Variants in TCERG1 observed in about 807,000 individuals in gnomAD.
The protein encoded by TCERG1 is TATA box binding protein (TBP)-associated factor, RNA polymerase II, S, 150kD.
A neutral mutation model predicts 144.7 loss-of-function variants in TCERG1; 37 were observed. That is an observed-to-expected ratio of 0.26 (90% CI 0.20 to 0.34). TCERG1 has a LOEUF of 0.34. Ranked by LOEUF, TCERG1 falls within the 10% of genes least tolerant of loss-of-function variation. TCERG1 has a pLI of 1.00. For synonymous variants in TCERG1, 492 were observed against 458.2 expected (o/e 1.07, Z -0.94); for missense variants, 1,027 against 1,380.7 (o/e 0.74, Z 4.06).
At chr5:146,510,222 G>C in intron 22 of TCERG1, 1 of 742,238 alleles carries the variant, frequency 1.3e-6, no homozygotes, top group Non-Finnish European at 2.0e-6. Flanking sequence ...ACCACCACTA[G>C]GGGTGGGAGG....
intron 9 of TCERG1, among the ~76,000 whole-genome samples, chr5:146,474,243 C>T (rs1764621160): frequency 6.6e-6 from 1 of 152,128 alleles, no homozygotes. Flanking sequence ...TTTTGAGGAA[C>T]TGAAGACTTC....
intron 4 of TCERG1, 145 bp from the exon 5 acceptor site, chr5:146,463,406 T>C: frequency 1.5e-5 from 17 of 1,158,162 alleles, no homozygotes; most frequent in Non-Finnish European, 1.9e-5. Context: ...TCAAGCTTCT[T>C]GAAGATAAGA....
At chr5:146,472,888 C>G (rs1338457878) in intron 9 of TCERG1, among the ~76,000 whole-genome samples, 12 of 151,986 alleles carry the variant, frequency 7.9e-5, no homozygotes, top group Admixed American at 7.2e-4. Context: ...TAATTTTTTG[C>G]ATTTTTAGTA....
At chr5:146,456,225 C>G (rs937435459) in intron 2 of TCERG1, among the ~76,000 whole-genome samples, 1 of 152,162 alleles carries the variant, frequency 6.6e-6, no homozygotes, top group Non-Finnish European at 1.5e-5. Flanking sequence ...TTTAAACACA[C>G]TGTTAAATGG....
At chr5:146,504,334 C>T (rs575128813) in intron 19 of TCERG1, 81 of 184,672 alleles carry the variant, frequency 4.4e-4, no homozygotes, top group Admixed American at 1.2e-3. Context: ...ACGTGCTGAA[C>T]ACAATTTAAC....
chr5:146,483,772 CTGTG>C (rs1765575080), intron 15 of TCERG1, 143 bp downstream of exon 15: 2 of 613,244 alleles, frequency 3.3e-6, no homozygotes, highest in East Asian at 3.1e-5. Flanking sequence ...TATTATGTGT[CTGTG>C]TGTGGACATT....
Position 146,510,552 on chromosome 5 carries a change from A to G in TCERG1, c.3258A>G (p.Lys1086=). The G allele has an allele frequency of 6.2e-7, 1 of 1,614,164 alleles. No homozygotes were observed. Among genetic ancestry groups the G allele is most frequent in the East Asian group, 2.2e-5 (1 of 44,882 alleles). ...VLDCVPEERR[K]LIVAYVDDLD... is the part of the protein sequence containing the mutation. The stretch of plus-strand genomic sequence containing the variant: ...ACTGTGTGCCAGAGGAGAGGCGTAA[A>G]CTGATTGTGGCATATGTTGATGACC... The change falls in exon 23 of 23, where the codon AAA becomes AAG. Residue 1086 remains lysine (K), a synonymous_variant. Coordinates refer to ENST00000679501, the MANE Select transcript of TCERG1 (RefSeq NM_001382548.1).
chr5:146,481,099 A>T, intron 12 of TCERG1, 51 bp from the exon 13 acceptor site: 5 of 933,048 alleles, frequency 5.4e-6, no homozygotes, highest in Non-Finnish European at 6.4e-6. Context: ...GTTGTTTTTA[A>T]TTGTTTGTTC....
chr5:146,455,407 A>G (rs1762741336), intron 2 of TCERG1, 126 bp downstream of exon 2: 2 of 1,048,600 alleles, frequency 1.9e-6, no homozygotes, highest in Non-Finnish European at 2.7e-6. Flanking sequence ...TAAAGAGAAG[A>G]TCCATATATT....
At chr5:146,489,942 G>A (rs1352881235) in intron 15 of TCERG1, among the ~76,000 whole-genome samples, 2 of 152,284 alleles carry the variant, frequency 1.3e-5, no homozygotes, top group African/African-American at 4.8e-5. Context: ...ATCTTAGAGA[G>A]TGATTCCTAA....
chr5:146,503,440 A>G lies in TCERG1; in HGVS notation c.2499A>G (p.Lys833=), dbSNP rs1767662899. 6.2e-7 allele frequency: 1 copy of G among 1,613,846 alleles called. No homozygotes were observed. Among genetic ancestry groups the G allele is most frequent in the Admixed American group, 1.7e-5 (1 of 60,002 alleles). ...HHLDSQSRWS[K]VKDKVESDPR... ...TGGACAGTCAGTCTCGATGGAGCAA[A>G]GTAAAAGACAAAGTAGAAAGTGATC... The change falls in exon 18 of 23, where the codon AAA becomes AAG. Residue 833 remains lysine, a synonymous_variant. Transcript: ENST00000679501.
intron 15 of TCERG1, among the ~76,000 whole-genome samples, chr5:146,489,858 G>T: frequency 6.6e-6 from 1 of 152,066 alleles, no homozygotes; most frequent in Middle Eastern, 3.2e-3. Flanking sequence ...AAAGCCAAGC[G>T]TATTGGAAAG....
intron 4 of TCERG1, 25 bp from the exon 5 acceptor site, chr5:146,463,526 A>T: frequency 6.2e-7 from 1 of 1,613,474 alleles, no homozygotes. Flanking sequence ...GGAGTGATAC[A>T]TGTTTTTGTT....
chr5:146,454,974 T>C (rs1762702283), intron 1 of TCERG1, 82 bp from the exon 2 acceptor site: 1 of 1,442,046 alleles, frequency 6.9e-7, no homozygotes, highest in African/African-American at 1.4e-5. Context: ...ACCTTTTAAA[T>C]TTGATGGATG....
chr5:146,483,711 CTTT>C, intron 15 of TCERG1, 82 bp downstream of exon 15: 1 of 1,039,982 alleles, frequency 9.6e-7, no homozygotes, highest in Non-Finnish European at 1.4e-6. Flanking sequence ...AGTACCATCC[CTTT>C]TTTTTCTGAT....
Position 146,510,801 on chromosome 5 carries a change from A to G in TCERG1, c.*159A>G, listed in dbSNP as rs1461100587. 1.7e-6 allele frequency: 1 copy of G among 581,372 alleles called. No individual in the cohort carries two copies. The highest frequency in any genetic ancestry group is 1.9e-5 in the African/African-American group (1 of 53,078). The allele number at this position is 581,372 out of a possible 1,614,324, so 36.0% of individuals were successfully genotyped here. On this transcript the variant is annotated 3_prime_UTR_variant, in exon 23 of 23. Transcript: ENST00000679501. Reference sequence around the variant, plus strand: ...AGTTTCTGAACAGAACACTTTGGAAATATTTATGCTTTTCTTTGTGTGGCA... The same window carrying G: ...AGTTTCTGAACAGAACACTTTGGAAGTATTTATGCTTTTCTTTGTGTGGCA...
chr5:146,485,391 G>A (rs950921787), intron 15 of TCERG1, among the ~76,000 whole-genome samples: 3 of 152,128 alleles, frequency 2.0e-5, no homozygotes, highest in Admixed American at 2.0e-4. Flanking sequence ...TAAATTGTAT[G>A]AGGCTAGAAA....
Position 146,498,623 on chromosome 5 carries a change from T to C in TCERG1, c.2370T>C (p.Phe790=). Residue 790 remains phenylalanine (F), a synonymous_variant, in exon 17 of 23, where the codon TTT becomes TTC. Transcript: ENST00000679501. Reference sequence around the variant, plus strand: ...AGATGAAAGACCGAGAAGCCTTGTTTAATGAGTTTGTGGCCGCTGCTAGGA... The same window carrying C: ...AGATGAAAGACCGAGAAGCCTTGTTCAATGAGTTTGTGGCCGCTGCTAGGA... ...IEKMKDREAL[F]NEFVAAARKK... is the part of the protein sequence containing the mutation. The C allele has an allele frequency of 1.2e-6, 2 of 1,612,382 alleles. No homozygotes were observed. The highest frequency in any genetic ancestry group is 1.7e-6 in the Non-Finnish European group (2 of 1,179,258).
chr5:146,505,824 T>G (rs1767937955), intron 19 of TCERG1, among the ~76,000 whole-genome samples: 1 of 152,240 alleles, frequency 6.6e-6, no homozygotes. Flanking sequence ...GTCACCCAGC[T>G]GGAGTGCAGT....
Sources: allele counts gnomAD v4.1 joint callset (sites outside exome capture counted in the v4.1 genomes callset), GRCh38; gene constraint gnomAD v4.1.1; transcripts MANE v1.5; gene names NCBI Gene and HGNC (gene_info 2026-07-23, HGNC 2026-07-21).